Variants in TTC6 observed in about 807,000 individuals in gnomAD.
The protein encoded by TTC6 is tetratricopeptide repeat domain 6.
In TTC6, 172 loss-of-function variants were observed where a neutral mutation model predicts 210.4. That is an observed-to-expected ratio of 0.82 (90% CI 0.72 to 0.93). The LOEUF (loss-of-function observed/expected upper bound fraction) is 0.93, where lower values mean the gene tolerates loss of function less well. Among genes scored for constraint, TTC6 ranks in the 40% least tolerant of loss-of-function variants. The probability of loss-of-function intolerance (pLI) is 0.00; values close to 1 mark genes in which losing one functional copy is unlikely to be tolerated. For synonymous variants in TTC6, 804 were observed against 819.6 expected (o/e 0.98, Z 0.32); for missense variants, 2,414 against 2,318.1 (o/e 1.04, Z -0.85).
At chr14:37,834,536 T>C (rs1041739640) in intron 29 of TTC6, among the ~76,000 whole-genome samples, 2 of 152,160 alleles carry the variant, frequency 1.3e-5, no homozygotes, top group African/African-American at 4.8e-5. Context: ...TTGATTAATT[T>C]CTTATGATAT....
exon 25 of TTC6, chr14:37,812,399 A>G (rs1194563475): frequency 1.9e-6 from 3 of 1,612,784 alleles, no homozygotes; most frequent in Non-Finnish European, 1.7e-6. Context: ...GGACTCATCT[A>G]CGTAGAACTA....
chr14:37,630,907 G>GTTTTGTTTTTTTTTTTTTT (rs2095668320), intron 1 of TTC6, among the ~76,000 whole-genome samples: 1 of 33,064 alleles, frequency 3.0e-5, no homozygotes, highest in African/African-American at 1.4e-4. Flanking sequence ...GGCAACCCCT[G>GTTTTGTTTTTTTTTTTTTT]TTTTTTTTTT....
chr14:37,691,279 G>A (rs948481690), intron 3 of TTC6, among the ~76,000 whole-genome samples: 1 of 152,094 alleles, frequency 6.6e-6, no homozygotes, highest in African/African-American at 2.4e-5. Flanking sequence ...GCGGTGAGCC[G>A]AGATTGTGCC....
chr14:37,831,913 C>T (rs2096186254), intron 29 of TTC6, among the ~76,000 whole-genome samples: 1 of 152,078 alleles, frequency 6.6e-6, no homozygotes, highest in Admixed American at 6.5e-5. Context: ...ATTGCCATTC[C>T]TATGCAGAAG....
intron 17 of TTC6, 148 bp downstream of exon 19, chr14:37,792,562 C>G (rs1355744442): frequency 3.6e-6 from 2 of 555,816 alleles, no homozygotes; most frequent in East Asian, 3.4e-5. Context: ...GTAGTTAACT[C>G]TAATTACTCA....
At chr14:37,671,068 A>G (rs1409973255) in intron 1 of TTC6, among the ~76,000 whole-genome samples, 2 of 152,134 alleles carry the variant, frequency 1.3e-5, no homozygotes, top group African/African-American at 2.4e-5. Flanking sequence ...GGAGCAACTT[A>G]TCTATGTAAT....
intron 29 of TTC6, among the ~76,000 whole-genome samples, chr14:37,836,841 C>T (rs1407648978): frequency 6.6e-6 from 1 of 152,126 alleles, no homozygotes; most frequent in Non-Finnish European, 1.5e-5. Context: ...ATCTAATAAA[C>T]TCTAGAGGGT....
chr14:37,752,954 C>A, intron 13 of TTC6, 145 bp from the exon 16 acceptor site: 1 of 505,808 alleles, frequency 2.0e-6, no homozygotes, highest in Non-Finnish European at 3.2e-6. Flanking sequence ...TATTCTTTAG[C>A]TACAACTCTG....
At chr14:37,742,972 A>G (rs1479492946) in intron 10 of TTC6, among the ~76,000 whole-genome samples, 1 of 152,218 alleles carries the variant, frequency 6.6e-6, no homozygotes, top group Non-Finnish European at 1.5e-5. Flanking sequence ...TTGGGTAGTA[A>G]AATCGTCCTT....
chr14:37,765,221 G>C (rs2095995274), intron 14 of TTC6, among the ~76,000 whole-genome samples: 1 of 151,688 alleles, frequency 6.6e-6, no homozygotes, highest in Non-Finnish European at 1.5e-5. Context: ...GGAATATAGT[G>C]GTGCAATCAC....
intron 7 of TTC6, among the ~76,000 whole-genome samples, chr14:37,728,318 G>A (rs534396993): frequency 4.7e-4 from 71 of 151,952 alleles, no homozygotes; most frequent in African/African-American, 1.6e-3. Context: ...GGTGGCTCAC[G>A]CCTGTAATCC....
At chr14:37,813,056 A>G (rs2096133247) in intron 25 of TTC6, among the ~76,000 whole-genome samples, 1 of 152,162 alleles carries the variant, frequency 6.6e-6, no homozygotes, top group Non-Finnish European at 1.5e-5. Flanking sequence ...GAAGGTAAAA[A>G]TTAAATAGCA....
At chr14:37,814,962 CTT>C (rs1037946880) in intron 25 of TTC6, among the ~76,000 whole-genome samples, 1 of 152,198 alleles carries the variant, frequency 6.6e-6, no homozygotes, top group African/African-American at 2.4e-5. Flanking sequence ...CATAGGGACA[CTT>C]TGTTCAGGAA....
intron 2 of TTC6, among the ~76,000 whole-genome samples, chr14:37,612,055 A>G (rs915781805): frequency 1.3e-5 from 2 of 152,142 alleles, no homozygotes; most frequent in Non-Finnish European, 2.9e-5. Flanking sequence ...CTACAACTTT[A>G]TAGAGGCATA....
At chr14:37,617,070 C>T (rs1019051995), upstream of TTC6, among the ~76,000 whole-genome samples, 2 of 151,944 alleles carry the variant, frequency 1.3e-5, no homozygotes, top group African/African-American at 4.8e-5. Flanking sequence ...GAGACAGGGT[C>T]TCCTTATGTT....
rs532748339 is a variant in TTC6, at chr14:37,758,825, G to A, written c.3266+5590G>A. Reference sequence around the variant, plus strand: ...GTGTGTTTTTGCAGTGGCTGGTACCGGTTTTTCCTTTCCATGTTTAGTGCT... The same window carrying A: ...GTGTGTTTTTGCAGTGGCTGGTACCAGTTTTTCCTTTCCATGTTTAGTGCT... On this transcript the variant is annotated intron_variant, in intron 14 of 30. Transcript: ENST00000553443. Among the ~76,000 whole-genome samples the A allele has an allele frequency of 1.2e-4, 18 of 152,144 alleles. No individual in the cohort carries two copies. In the South Asian group the frequency reaches 2.5e-3, roughly 21 times the overall value.
Position 37,796,810 on chromosome 14 carries a change from C to A in TTC6, c.3892C>A (p.Gln1298Lys). The change falls in exon 20 of 31, where the codon CAG becomes AAG. Residue 1298 changes from glutamine (Q) to lysine (K), a missense_variant. Physicochemically the swap from Gln to Lys is moderately conservative, Grantham distance 53 (BLOSUM62 1). Transcript: ENST00000553443. ...AGGTCTCAGTGAGTTGAGTCCTATG[C>A]AGCAAGCCCTTATTTATTCATTTTG... 10 of 1,606,654 alleles carry A rather than the reference C, an allele frequency of 6.2e-6. No individual in the cohort carries two copies. In the South Asian group the frequency reaches 1.0e-4, roughly 16 times the overall value.
intron 14 of TTC6, among the ~76,000 whole-genome samples, chr14:37,767,347 T>C (rs1195181612): frequency 2.0e-5 from 3 of 152,224 alleles, no homozygotes; most frequent in Non-Finnish European, 4.4e-5. Flanking sequence ...ATGGTATTTC[T>C]AGTTCTAGAT....
chr14:37,756,983 CT>C (rs934956333), intron 14 of TTC6, among the ~76,000 whole-genome samples: 1 of 151,994 alleles, frequency 6.6e-6, no homozygotes, highest in African/African-American at 2.4e-5. Flanking sequence ...TGGTCCTTGA[CT>C]TTTTTTGGTT....
Sources: gnomAD v4.1 joint callset for allele counts (sites outside exome capture counted in the v4.1 genomes callset) on GRCh38, gnomAD v4.1.1 for gene constraint, MANE v1.5 for transcripts, NCBI Gene and HGNC (gene_info 2026-07-23, HGNC 2026-07-21) for gene names.